ZRANB3: variants seen among roughly 807,000 people sequenced by gnomAD.
The protein encoded by ZRANB3 is zinc finger RANBP2-type containing 3.
In ZRANB3, 125 loss-of-function variants were observed where a neutral mutation model predicts 133.8. The ratio of observed to expected loss-of-function variants is 0.93; its 90% CI spans 0.81 to 1.08. The LOEUF is 1.08. Among genes scored for constraint, ZRANB3 ranks in the 50% least tolerant of loss-of-function variants. ZRANB3 has a pLI of 0.00. For missense variants in ZRANB3, 1,229 were observed against 1,275.5 expected (o/e 0.96, Z 0.56); for synonymous variants, 387 against 432.7 (o/e 0.89, Z 1.31).
At position 135,497,229 on chromosome 2, in the gene ZRANB3, T is replaced by C. The variant is rs1048630317; in HGVS notation, c.161+7100A>G. On this transcript the variant is annotated intron_variant, in intron 2 of 20. Coordinates refer to ENST00000264159, the MANE Select transcript of ZRANB3 (RefSeq NM_032143.4). ...CACAAATCCAGCACTTTTGTGAAAATTGATAAATGACTTCTACAATTTATA... is the reference window on the plus strand; with the variant it reads ...CACAAATCCAGCACTTTTGTGAAAACTGATAAATGACTTCTACAATTTATA... 3.9e-5 allele frequency among the ~76,000 whole-genome samples: 6 copies of C among 152,180 alleles called. No individual in the cohort carries two copies. In the South Asian group the frequency reaches 8.3e-4, roughly 21 times the overall value.
chr2:135,527,060 A>C (rs1234526381), intron 1 of ZRANB3, among the ~76,000 whole-genome samples: 2 of 152,164 alleles, frequency 1.3e-5, no homozygotes, highest in African/African-American at 4.8e-5. Flanking sequence ...TGCCTTCCTA[A>C]AATACATAAA....
chr2:135,474,417 T>C (rs1412239248), intron 2 of ZRANB3, among the ~76,000 whole-genome samples: 2 of 152,086 alleles, frequency 1.3e-5, no homozygotes, highest in Non-Finnish European at 1.5e-5. Context: ...ATGGTGGAGG[T>C]AGGGTATCGT....
At position 135,526,066 on chromosome 2, in the gene ZRANB3, A is replaced by G. The variant is rs555693111; in HGVS notation, c.-8+5061T>C. On this transcript the variant is annotated intron_variant, in intron 1 of 20. Coordinates refer to ENST00000264159, the MANE Select transcript of ZRANB3 (RefSeq NM_032143.4). ...ACAGGGGAGTTGCAGTTGTTGTTTG[A>G]TAAGTATAGAATTTCACATCTGCAA... Among the ~76,000 whole-genome samples the G allele has an allele frequency of 1.1e-4, 16 of 152,104 alleles. No homozygotes were observed. In the South Asian group the frequency reaches 1.2e-3, roughly 12 times the overall value.
At position 135,315,022 on chromosome 2, in the gene ZRANB3, C is replaced by A. The variant is rs757231837; in HGVS notation, c.849+337G>T. The stretch of plus-strand genomic sequence containing the variant: ...CCTCAGGTGATCTGCCCACCTCAGC[C>A]TCCCAAAGTGCTGGGTTACAGGTAT... On this transcript the variant is annotated intron_variant, in intron 7 of 20. Transcript: ENST00000264159. Among the ~76,000 whole-genome samples the A allele has an allele frequency of 3.3e-5, 5 of 152,274 alleles. No individual in the cohort carries two copies. The South Asian group carries it at 1.0e-3, about 32-fold the overall frequency.
At chr2:135,232,537 C>T (rs1695079973) in intron 12 of ZRANB3, among the ~76,000 whole-genome samples, 1 of 152,230 alleles carries the variant, frequency 6.6e-6, no homozygotes, top group South Asian at 2.1e-4. Flanking sequence ...AACTGGGAGG[C>T]AGCCCCCAGT....
chr2:135,411,874 A>G lies in ZRANB3; in HGVS notation c.162-21054T>C, dbSNP rs1056767694. ...AACCCTCCCATTACGCAATATACCT[A>G]TGTACCAAACCCATACATGTACCCC... On this transcript the variant is annotated intron_variant, in intron 2 of 20. Transcript: ENST00000264159. 9.2e-5 allele frequency among the ~76,000 whole-genome samples: 14 copies of G among 152,212 alleles called. No individual in the cohort carries two copies. In the East Asian group the frequency reaches 2.3e-3, roughly 25 times the overall value.
intron 8 of ZRANB3, among the ~76,000 whole-genome samples, chr2:135,277,519 A>C (rs1427829840): frequency 6.6e-6 from 1 of 152,246 alleles, no homozygotes; most frequent in African/African-American, 2.4e-5. Flanking sequence ...GCTACAAAAA[A>C]AACAGATATA....
intron 2 of ZRANB3, among the ~76,000 whole-genome samples, chr2:135,408,412 C>T (rs113314050): frequency 2.0e-4 from 30 of 152,208 alleles, no homozygotes; most frequent in African/African-American, 7.0e-4. Flanking sequence ...TGGAAATCAG[C>T]GTGGCGATTC....
chr2:135,230,928 C>T lies in ZRANB3; in HGVS notation c.1540-1G>A. The stretch of plus-strand genomic sequence containing the variant: ...TATCATGCTGTTTTTCTTTTTCGAA[C>T]TAGGAAAAGCAAACAGTAGTTATCA... On this transcript the variant is annotated splice_acceptor_variant, in intron 12 of 20. Coordinates refer to ENST00000264159, the MANE Select transcript of ZRANB3 (RefSeq NM_032143.4). LOFTEE classifies it high-confidence loss of function. 6.5e-7 allele frequency: 1 copy of T among 1,538,032 alleles called. No individual in the cohort carries two copies.
At chr2:135,320,836 G>A (rs1683488762) in intron 6 of ZRANB3, among the ~76,000 whole-genome samples, 1 of 152,078 alleles carries the variant, frequency 6.6e-6, no homozygotes, top group Non-Finnish European at 1.5e-5. Flanking sequence ...CCATTAATCT[G>A]TTTTTTGCCT....
At chr2:135,314,595 C>T (rs1008349400) in intron 7 of ZRANB3, among the ~76,000 whole-genome samples, 4 of 152,172 alleles carry the variant, frequency 2.6e-5, no homozygotes, top group African/African-American at 7.2e-5. Context: ...CTGAATTTCA[C>T]GTCTTACAAC....
chr2:135,438,234 A>G (rs1309208430), intron 2 of ZRANB3, among the ~76,000 whole-genome samples: 1 of 152,086 alleles, frequency 6.6e-6, no homozygotes, highest in East Asian at 1.9e-4. Flanking sequence ...CATGGAAAGC[A>G]ATATTTTCAT....
intron 2 of ZRANB3, among the ~76,000 whole-genome samples, chr2:135,460,026 A>G (rs1690693446): frequency 6.6e-6 from 1 of 152,156 alleles, no homozygotes; most frequent in Non-Finnish European, 1.5e-5. Flanking sequence ...TTGAAACAGA[A>G]AGAGAAACAC....
At chr2:135,459,979 A>T (rs1382986230) in intron 2 of ZRANB3, among the ~76,000 whole-genome samples, 1 of 152,128 alleles carries the variant, frequency 6.6e-6, no homozygotes, top group African/African-American at 2.4e-5. Flanking sequence ...TGGGTACTTC[A>T]CTATTATCAG....
chr2:135,246,818 G>A (rs1285755208), intron 12 of ZRANB3, among the ~76,000 whole-genome samples: 1 of 152,142 alleles, frequency 6.6e-6, no homozygotes, highest in Non-Finnish European at 1.5e-5. Flanking sequence ...GCTTAAGATG[G>A]CAAAATGCAT....
At chr2:135,217,175 A>G (rs1694345976) in intron 17 of ZRANB3, among the ~76,000 whole-genome samples, 1 of 152,200 alleles carries the variant, frequency 6.6e-6, no homozygotes, top group Non-Finnish European at 1.5e-5. Context: ...TAAGTGTCCC[A>G]GGCTTGGCAG....
chr2:135,278,331 T>C (rs1680936936), intron 8 of ZRANB3, among the ~76,000 whole-genome samples: 1 of 152,206 alleles, frequency 6.6e-6, no homozygotes. Context: ...GATTTCCCCA[T>C]TTTTATATCC....
At chr2:135,237,279 A>T (rs1339947150) in intron 12 of ZRANB3, among the ~76,000 whole-genome samples, 6 of 149,496 alleles carry the variant, frequency 4.0e-5, no homozygotes, top group South Asian at 4.2e-4. Flanking sequence ...ATCATTAAAA[A>T]GTCAGGAAAC....
intron 6 of ZRANB3, among the ~76,000 whole-genome samples, chr2:135,321,347 C>T (rs540542776): frequency 2.6e-5 from 4 of 152,312 alleles, no homozygotes; most frequent in African/African-American, 4.8e-5. Context: ...ATTTCTCTAA[C>T]GACTAAGGTC....
Sources: allele counts gnomAD v4.1 joint callset (sites outside exome capture counted in the v4.1 genomes callset), GRCh38; gene constraint gnomAD v4.1.1; transcripts MANE v1.5; gene names NCBI Gene and HGNC (gene_info 2026-07-23, HGNC 2026-07-21).